The following MPPED2 variants were observed in gnomAD, a reference collection of about 807,000 sequenced individuals.
MPPED2 encodes metallophosphoesterase MPPED2.
In MPPED2, 5 loss-of-function variants were observed where a neutral mutation model predicts 33.0. That is an observed-to-expected ratio of 0.15 (90% CI 0.08 to 0.32). The LOEUF is 0.32. Ranked by LOEUF, MPPED2 falls within the 10% of genes least tolerant of loss-of-function variation. The probability of loss-of-function intolerance (pLI) is 1.00; values close to 1 mark genes in which losing one functional copy is unlikely to be tolerated. For missense variants in MPPED2, 275 were observed against 372.1 expected (o/e 0.74, Z 2.15); for synonymous variants, 136 against 141.9 (o/e 0.96, Z 0.29).
At chr11:30,562,502 G>A (rs920547863) in intron 2 of MPPED2, among the ~76,000 whole-genome samples, 1 of 152,142 alleles carries the variant, frequency 6.6e-6, no homozygotes, top group African/African-American at 2.4e-5. Context: ...TGCCTACAGG[G>A]AAAAACTAGG....
chr11:30,511,272 G>T (rs946139459), intron 3 of MPPED2, among the ~76,000 whole-genome samples: 30 of 152,162 alleles, frequency 2.0e-4, no homozygotes, highest in African/African-American at 7.0e-4. Context: ...GCAGTATGAT[G>T]GGGCTGGCTG....
Position 30,467,440 on chromosome 11 carries a change from G to A in MPPED2, c.536+27856C>T, listed in dbSNP as rs183758596. 1.1e-4 allele frequency among the ~76,000 whole-genome samples: 16 copies of A among 152,272 alleles called. No individual in the cohort carries two copies. The East Asian group carries it at 3.1e-3, about 29-fold the overall frequency. On this transcript the variant is annotated intron_variant, in intron 4 of 6. Transcript: ENST00000358117. ...TGCCATCACTCCCAGCTTGGGAAGG[G>A]ATCCCCAAGCCCAAGTCAGTGAAAA...
At chr11:30,548,276 C>A (rs73459719) in intron 2 of MPPED2, among the ~76,000 whole-genome samples, 1 of 151,780 alleles carries the variant, frequency 6.6e-6, no homozygotes, top group Admixed American at 6.6e-5. Context: ...TGTAAAGGTG[C>A]GATCATAGCT....
chr11:30,457,461 G>T (rs1950328155), intron 4 of MPPED2, among the ~76,000 whole-genome samples: 3 of 150,012 alleles, frequency 2.0e-5, no homozygotes, highest in South Asian at 4.2e-4. Flanking sequence ...TACCCCCTTT[G>T]TATTTTCAAA....
intron 4 of MPPED2, among the ~76,000 whole-genome samples, chr11:30,476,862 A>G (rs904322031): frequency 6.6e-6 from 1 of 151,984 alleles, no homozygotes. Context: ...CGCAAACATA[A>G]TATATCTTCA....
At chr11:30,385,507 A>G (rs1947692271) in exon 7 of MPPED2, 1 of 152,176 alleles carries the variant, frequency 6.6e-6, no homozygotes, top group African/African-American at 2.4e-5. Flanking sequence ...CACAGTCGCC[A>G]GATGGGCTTT....
chr11:30,580,490 C>A lies in MPPED2; in HGVS notation c.-117G>T. Reference sequence around the variant, plus strand: ...GGATCTACTCATCAATACCGCTGTGCATTTCTGAAAGAAAAAAAAAATGTA... The same window carrying A: ...GGATCTACTCATCAATACCGCTGTGAATTTCTGAAAGAAAAAAAAAATGTA... On this transcript the variant is annotated 5_prime_UTR_variant, in exon 2 of 7. The change abolishes an upstream ATG in the 5' untranslated region. Transcript: ENST00000358117. 1.3e-5 allele frequency: 18 copies of A among 1,422,522 alleles called. No individual in the cohort carries two copies. The highest frequency in any genetic ancestry group is 5.3e-5 in the South Asian group (3 of 56,662). The allele number at this position is 1,422,522 out of a possible 1,614,324, so 88.1% of individuals were successfully genotyped here.
intron 4 of MPPED2, among the ~76,000 whole-genome samples, chr11:30,422,474 C>T (rs1392399900): frequency 6.6e-6 from 1 of 152,194 alleles, no homozygotes; most frequent in Non-Finnish European, 1.5e-5. Flanking sequence ...AATATCTACA[C>T]AGAGCAGAAC....
chr11:30,509,215 G>T (rs1158988826), intron 3 of MPPED2, among the ~76,000 whole-genome samples: 5 of 152,178 alleles, frequency 3.3e-5, no homozygotes, highest in Non-Finnish European at 7.3e-5. Flanking sequence ...AGAGGGCAAA[G>T]AAGTTGGCCC....
chr11:30,410,389 A>G lies in MPPED2; in HGVS notation c.*1079T>C. On this transcript the variant is annotated 3_prime_UTR_variant, in exon 7 of 7. Transcript: ENST00000358117. Reference sequence around the variant, plus strand: ...GGGAAAACAGAAATGACTATTAGCGACAATATTTTGTGCTAGCGAAGATTG... The same window carrying G: ...GGGAAAACAGAAATGACTATTAGCGGCAATATTTTGTGCTAGCGAAGATTG... The G allele has an allele frequency of 4.1e-6, 4 of 985,848 alleles. No homozygotes were observed. Among genetic ancestry groups the G allele is most frequent in the Non-Finnish European group, 4.8e-6 (4 of 829,898 alleles). The allele number at this position is 985,848 out of a possible 1,614,324, so 61.1% of individuals were successfully genotyped here.
At chr11:30,485,873 C>A (rs886313150) in intron 4 of MPPED2, among the ~76,000 whole-genome samples, 23 of 152,126 alleles carry the variant, frequency 1.5e-4, no homozygotes, top group African/African-American at 5.6e-4. Context: ...ACAAAACAGC[C>A]TAGAAGGCAG....
intron 1 of MPPED2, chr11:30,584,772 GCCAGGTT>G (rs1957381807): frequency 6.6e-6 from 1 of 152,398 alleles, no homozygotes; most frequent in African/African-American, 2.4e-5. Context: ...CCTGGGCGCT[GCCAGGTT>G]CCTTCCCTGG....
chr11:30,492,657 T>G (rs996839866), intron 4 of MPPED2, among the ~76,000 whole-genome samples: 1 of 152,098 alleles, frequency 6.6e-6, no homozygotes, highest in Admixed American at 6.5e-5. Flanking sequence ...CTGCTGTTTA[T>G]TCTCTTGCCC....
At chr11:30,475,266 T>C (rs767108388) in intron 4 of MPPED2, among the ~76,000 whole-genome samples, 12 of 152,196 alleles carry the variant, frequency 7.9e-5, no homozygotes, top group Non-Finnish European at 1.5e-4. Context: ...TTCAGCCGAA[T>C]ATCCTTCTCA....
chr11:30,448,906 G>A (rs755384518), intron 4 of MPPED2, among the ~76,000 whole-genome samples: 3 of 151,186 alleles, frequency 2.0e-5, no homozygotes, highest in East Asian at 2.0e-4. Context: ...TGCCTGCCTC[G>A]GCCTCCCAAA....
chr11:30,527,335 C>T (rs1954251619), intron 3 of MPPED2, among the ~76,000 whole-genome samples: 1 of 151,638 alleles, frequency 6.6e-6, no homozygotes, highest in Non-Finnish European at 1.5e-5. Flanking sequence ...AATGTGTGAA[C>T]CATGCCTGGA....
intron 4 of MPPED2, among the ~76,000 whole-genome samples, chr11:30,444,470 G>GA (rs1949715992): frequency 7.7e-6 from 1 of 130,408 alleles, no homozygotes; most frequent in East Asian, 2.2e-4. Flanking sequence ...TTTTTTTTTA[G>GA]AAAAAACACA....
intron 3 of MPPED2, among the ~76,000 whole-genome samples, chr11:30,505,940 A>G (rs1041173701): frequency 6.6e-6 from 1 of 152,174 alleles, no homozygotes; most frequent in Non-Finnish European, 1.5e-5. Context: ...ATAATTGTAC[A>G]ATCTACCTTA....
intron 4 of MPPED2, among the ~76,000 whole-genome samples, chr11:30,476,098 T>C (rs2134089950): frequency 6.6e-6 from 1 of 152,188 alleles, no homozygotes; most frequent in East Asian, 1.9e-4. Context: ...GTGTTTGTCT[T>C]TTTTATTAGT....
Sources: gnomAD v4.1 joint callset for allele counts (sites outside exome capture counted in the v4.1 genomes callset) on GRCh38, gnomAD v4.1.1 for gene constraint, MANE v1.5 for transcripts, NCBI Gene and HGNC (gene_info 2026-07-23, HGNC 2026-07-21) for gene names.